USP32: variants seen among roughly 807,000 people sequenced by gnomAD.
USP32 encodes the protein ubiquitin specific peptidase 32.
USP32 carries 59 observed loss-of-function variants against 204.8 expected under a neutral mutation model. The observed-to-expected ratio is 0.29, with a 90% CI of 0.23 to 0.36. The LOEUF (loss-of-function observed/expected upper bound fraction) is 0.36. USP32 is among the 10% of genes least tolerant of loss of function. The pLI, the probability that USP32 is intolerant of heterozygous loss-of-function variation, is 1.00. For synonymous variants in USP32, 517 were observed against 678.4 expected (o/e 0.76, Z 3.70); for missense variants, 1,160 against 1,946.4 (o/e 0.60, Z 7.60).
chr17:60,313,935 C>A (rs1178851384), intron 2 of USP32, among the ~76,000 whole-genome samples: 1 of 149,758 alleles, frequency 6.7e-6, no homozygotes, highest in African/African-American at 2.5e-5. Flanking sequence ...TAACCAATCA[C>A]CAGAAAATTA....
chr17:60,411,338 A>AATAG (rs1196988633), intron 1 of USP32, among the ~76,000 whole-genome samples: 1 of 147,792 alleles, frequency 6.8e-6, no homozygotes, highest in Non-Finnish European at 1.5e-5. Context: ...TAAATAAATA[A>AATAG]ATAAATAAAT....
At chr17:60,238,892 G>A (rs944031934) in intron 11 of USP32, among the ~76,000 whole-genome samples, 1 of 152,048 alleles carries the variant, frequency 6.6e-6, no homozygotes, top group African/African-American at 2.4e-5. Context: ...GGGAGTTTGA[G>A]GTTGCAGTGA....
At chr17:60,409,429 G>T (rs2090002562) in intron 1 of USP32, among the ~76,000 whole-genome samples, 1 of 152,174 alleles carries the variant, frequency 6.6e-6, no homozygotes, top group African/African-American at 2.4e-5. Context: ...CCCATTGATT[G>T]CTCAGTAACA....
chr17:60,402,327 T>G (rs780303040), intron 1 of USP32, among the ~76,000 whole-genome samples: 10 of 151,012 alleles, frequency 6.6e-5, no homozygotes, highest in Middle Eastern at 3.2e-3. Context: ...CATGGCTCAT[T>G]GCAGCCTCGA....
At position 60,414,573 on chromosome 17, in the gene USP32, C is replaced by T. The variant is rs148387557; in HGVS notation, c.106+7673G>A. Among the ~76,000 whole-genome samples the T allele has an allele frequency of 6.9e-3, 1,034 of 150,766 alleles. 15 individuals carry two copies. The highest frequency in any genetic ancestry group is 0.024 in the African/African-American group (993 of 40,958). On this transcript the variant is annotated intron_variant, in intron 1 of 3. Transcript: ENST00000588898. ...CCTCCTGAGTAGCAGAGATTACAGG[C>T]GCCCACCACCAGGCCCGGCTAATTT...
At chr17:60,378,929 T>C (rs117198460) in intron 1 of USP32, among the ~76,000 whole-genome samples, 6,975 of 152,130 alleles carry the variant, frequency 0.046, 227 homozygotes, top group Non-Finnish European at 0.075. Context: ...GTTCTATATA[T>C]ATATATATTC....
intron 1 of USP32, among the ~76,000 whole-genome samples, chr17:60,411,774 T>C (rs115876198): frequency 5.9e-5 from 9 of 152,206 alleles, no homozygotes; most frequent in East Asian, 2.0e-4. Flanking sequence ...TTTCACTTAG[T>C]AGAGTTTTTA....
chr17:60,322,797 A>C (rs937624137), intron 2 of USP32, among the ~76,000 whole-genome samples: 1 of 152,202 alleles, frequency 6.6e-6, no homozygotes, highest in Non-Finnish European at 1.5e-5. Flanking sequence ...CAAAGCACTA[A>C]AATGGATTGA....
chr17:60,235,233 A>G (rs2085689986), intron 12 of USP32, among the ~76,000 whole-genome samples: 1 of 152,210 alleles, frequency 6.6e-6, no homozygotes, highest in Non-Finnish European at 1.5e-5. Flanking sequence ...ATAAAAACCA[A>G]AAAAGTATTT....
At chr17:60,322,650 G>T (rs923187448) in intron 2 of USP32, among the ~76,000 whole-genome samples, 1 of 152,064 alleles carries the variant, frequency 6.6e-6, no homozygotes, top group East Asian at 1.9e-4. Context: ...TAGTCCCTGG[G>T]TTCTAGACTT....
intron 5 of USP32, among the ~76,000 whole-genome samples, chr17:60,285,739 G>T (rs144618313): frequency 7.2e-5 from 11 of 152,188 alleles, no homozygotes; most frequent in African/African-American, 2.6e-4. Flanking sequence ...GGCAAGAAAA[G>T]GTTTCATGAA....
At chr17:60,333,286 G>C (rs2088433659) in intron 2 of USP32, among the ~76,000 whole-genome samples, 1 of 152,124 alleles carries the variant, frequency 6.6e-6, no homozygotes, top group Non-Finnish European at 1.5e-5. Flanking sequence ...AAAGTAAGCA[G>C]AGAAGAAAAA....
At chr17:60,298,668 T>C (rs1209178206) in intron 3 of USP32, among the ~76,000 whole-genome samples, 1 of 152,194 alleles carries the variant, frequency 6.6e-6, no homozygotes. Flanking sequence ...TTTTTAATTA[T>C]TGCTGCCTGG....
chr17:60,376,732 G>A (rs921112130), intron 1 of USP32, among the ~76,000 whole-genome samples: 12 of 151,826 alleles, frequency 7.9e-5, no homozygotes, highest in African/African-American at 2.9e-4. Flanking sequence ...ATGTTGGCCA[G>A]GCTGGTCTCG....
intron 12 of USP32, among the ~76,000 whole-genome samples, chr17:60,232,172 T>TC (rs921705885): frequency 3.7e-5 from 5 of 136,046 alleles, no homozygotes; most frequent in African/African-American, 1.2e-4. Context: ...CTTTTTCTTT[T>TC]TTTTTTTTTT....
chr17:60,373,122 G>T (rs192407347), intron 1 of USP32, among the ~76,000 whole-genome samples: 1 of 152,166 alleles, frequency 6.6e-6, no homozygotes, highest in Non-Finnish European at 1.5e-5. Context: ...GAGCCCAGGA[G>T]CTCGAGGCTA....
chr17:60,199,161 G>A (rs921961333), intron 26 of USP32, among the ~76,000 whole-genome samples: 18 of 145,578 alleles, frequency 1.2e-4, no homozygotes. Flanking sequence ...AAAAAAAAAA[G>A]ACTCTCTCAA....
At chr17:60,296,361 G>A (rs561435346) in intron 3 of USP32, among the ~76,000 whole-genome samples, 1 of 152,186 alleles carries the variant, frequency 6.6e-6, no homozygotes, top group African/African-American at 2.4e-5. Context: ...AATATGACTG[G>A]TGCCCTTATA....
chr17:60,224,180 T>C (rs1485540891), intron 13 of USP32, among the ~76,000 whole-genome samples: 1 of 152,234 alleles, frequency 6.6e-6, no homozygotes, highest in Non-Finnish European at 1.5e-5. Flanking sequence ...CCATTTCAAC[T>C]CTCAACTACA....
Sources: allele counts gnomAD v4.1 joint callset (sites outside exome capture counted in the v4.1 genomes callset), GRCh38; gene constraint gnomAD v4.1.1; transcripts MANE v1.5; gene names NCBI Gene and HGNC (gene_info 2026-07-23, HGNC 2026-07-21).